The following ZC3H10 variants were observed in gnomAD, a reference collection of about 807,000 sequenced individuals.
The protein encoded by ZC3H10 is zinc finger CCCH domain-containing protein 10.
ZC3H10 carries 12 observed loss-of-function variants against 24.3 expected under a neutral mutation model. That is an observed-to-expected ratio of 0.49 (90% CI 0.32 to 0.80). ZC3H10 has a LOEUF of 0.80. Ranked by LOEUF, ZC3H10 falls within the 30% of genes least tolerant of loss-of-function variation. The pLI is 0.04. For missense variants in ZC3H10, 360 were observed against 576.3 expected, an observed-to-expected ratio of 0.62 and a Z score of 3.84; for synonymous variants, 226 against 217.0, an observed-to-expected ratio of 1.04 and a Z score of -0.36.
Position 56,126,200 on chromosome 12 carries a change from C to G in ZC3H10, c.*4333C>G, listed in dbSNP as rs1437547002. ...GAGTACCGTATCTCACCCTCTGCCT[C>G]TTGGAGGTGATTATGGTTTACATAT... is the stretch of plus-strand genomic sequence containing the variant. On this transcript the variant is annotated 3_prime_UTR_variant, in exon 3 of 3. Coordinates refer to ENST00000257940, the MANE Select transcript of ZC3H10 (RefSeq NM_032786.3). The G allele has an allele frequency of 2.0e-5, 3 of 152,194 alleles. No individual in the cohort carries two copies. The highest frequency in any genetic ancestry group is 4.4e-5 in the Non-Finnish European group (3 of 68,044). The allele number at this position is 152,194 out of a possible 1,614,324, so 9.4% of individuals were successfully genotyped here.
rs756653414 is a variant in ZC3H10, at chr12:56,124,279, C to A, written c.*2412C>A. 1 of 152,194 alleles carries A rather than the reference C, an allele frequency of 6.6e-6. No individual in the cohort carries two copies. The highest frequency in any genetic ancestry group is 1.5e-5 in the Non-Finnish European group (1 of 68,034). The allele number at this position is 152,194 out of a possible 1,614,324, so 9.4% of individuals were successfully genotyped here. A position where few individuals can be genotyped will look rare whatever the true frequency, so the allele number is the denominator to read the frequency against. ...AGTGATTTTGTTTTTTGTCTCACTT[C>A]ATCGCAGTCACTGAGTGACCTTGTC... On this transcript the variant is annotated 3_prime_UTR_variant, in exon 3 of 3. Transcript: ENST00000257940.
In ZC3H10 at chr12:56,123,976, G is replaced by C. The variant is rs1351026221; in HGVS notation, c.*2109G>C. On this transcript the variant is annotated 3_prime_UTR_variant, in exon 3 of 3. Coordinates refer to ENST00000257940, the MANE Select transcript of ZC3H10 (RefSeq NM_032786.3). Reference sequence around the variant, plus strand: ...GTGAGGGGGAGGGCTCACCATTGGGGATAACGTGGTGTGTCTCAGCATGAG... The same window carrying C: ...GTGAGGGGGAGGGCTCACCATTGGGCATAACGTGGTGTGTCTCAGCATGAG... 1 of 152,162 alleles carries C rather than the reference G, an allele frequency of 6.6e-6. No individual in the cohort carries two copies. The highest frequency in any genetic ancestry group is 1.5e-5 in the Non-Finnish European group (1 of 68,024). The allele number at this position is 152,162 out of a possible 1,614,324, so 9.4% of individuals were successfully genotyped here.
chr12:56,126,692 G>T lies in ZC3H10; in HGVS notation c.*4825G>T, dbSNP rs1870004688. The T allele has an allele frequency of 6.6e-6, 1 of 152,134 alleles. No individual in the cohort carries two copies. The highest frequency in any genetic ancestry group is 2.1e-4 in the South Asian group (1 of 4,834). The allele number at this position is 152,134 out of a possible 1,614,324, so 9.4% of individuals were successfully genotyped here. ...TTCTGCTTTATCAGTTGGTGAGCAG[G>T]TCACTCATAATTCCTCCAATTTCCT... On this transcript the variant is annotated 3_prime_UTR_variant, in exon 3 of 3. Coordinates refer to ENST00000257940, the MANE Select transcript of ZC3H10 (RefSeq NM_032786.3).
chr12:56,120,373 G>T, intron 2 of ZC3H10, 138 bp from the exon 3 acceptor site: 2 of 1,349,084 alleles, frequency 1.5e-6, no homozygotes, highest in South Asian at 4.3e-5. Context: ...TGATGAGTCA[G>T]ACATTTCAGC....
At chr12:56,118,959 T>C (rs1218037857) in intron 1 of ZC3H10, 129 bp from the exon 2 acceptor site, 1 of 152,694 alleles carries the variant, frequency 6.5e-6, no homozygotes, top group African/African-American at 2.4e-5. Context: ...TGAAGTTCAG[T>C]TTGAACCCTG....
Position 56,123,704 on chromosome 12 carries a change from G to C in ZC3H10, c.*1837G>C, listed in dbSNP as rs897434555. Reference sequence around the variant, plus strand: ...GCTGGGATTACAGGCATGAACCACCGTGCCCGGCAATTCTAGACTATTAAA... The same window carrying C: ...GCTGGGATTACAGGCATGAACCACCCTGCCCGGCAATTCTAGACTATTAAA... On this transcript the variant is annotated 3_prime_UTR_variant, in exon 3 of 3. Coordinates refer to ENST00000257940, the MANE Select transcript of ZC3H10 (RefSeq NM_032786.3). 6.6e-6 allele frequency: 1 copy of C among 152,092 alleles called. No individual in the cohort carries two copies. The highest frequency in any genetic ancestry group is 1.5e-5 in the Non-Finnish European group (1 of 68,018). The allele number at this position is 152,092 out of a possible 1,614,324, so 9.4% of individuals were successfully genotyped here. A position where few individuals can be genotyped will look rare whatever the true frequency, so the allele number is the denominator to read the frequency against.
chr12:56,121,070 G>C lies in ZC3H10; in HGVS notation c.508G>C (p.Gly170Arg), dbSNP rs775879253. The change falls in exon 3 of 3, where the codon GGA (glycine) becomes CGA (arginine). Residue 170 changes from glycine (G) to arginine (R), a missense_variant. Transcript: ENST00000257940. This position sits in a 1 kb window ranked among gnomAD's most constrained non-coding sequence, Gnocchi z 6.2. ...GGATTTTGAGTTTGATGCTCGGGGTGGAGGAGGCACTGGTGGGGGCTCAAC... is the reference window on the plus strand; with the variant it reads ...GGATTTTGAGTTTGATGCTCGGGGTCGAGGAGGCACTGGTGGGGGCTCAAC... Reference protein sequence around the residue: ...QRDFEFDARGGGGTGGGSTGS... With the variant: ...QRDFEFDARGRGGTGGGSTGS... The C allele has an allele frequency of 3.0e-5, 48 of 1,614,082 alleles. No individual in the cohort carries two copies. The highest frequency in any genetic ancestry group is 4.0e-5 in the Non-Finnish European group (47 of 1,180,036).
rs189787556 is a variant in ZC3H10, at chr12:56,123,127, A to C, written c.*1260A>C. On this transcript the variant is annotated 3_prime_UTR_variant, in exon 3 of 3. Coordinates refer to ENST00000257940, the MANE Select transcript of ZC3H10 (RefSeq NM_032786.3). ...GTAAGGCCAGGGGCCCCAATAGTCA[A>C]ACCTCAGTTCCTCCTCAGCTCACGG... 1 of 152,224 alleles carries C rather than the reference A, an allele frequency of 6.6e-6. No homozygotes were observed. The highest frequency in any genetic ancestry group is 1.5e-5 in the Non-Finnish European group (1 of 68,052). The allele number at this position is 152,224 out of a possible 1,614,324, so 9.4% of individuals were successfully genotyped here. A position where few individuals can be genotyped will look rare whatever the true frequency, so the allele number is the denominator to read the frequency against.
chr12:56,125,126 A>G lies in ZC3H10; in HGVS notation c.*3259A>G, dbSNP rs1296456183. The stretch of plus-strand genomic sequence containing the variant: ...TGTTGCTAGAAAAAAAAGGCTGGCA[A>G]GAGAAAGCTTCAAATAGAAGTCTTC... On this transcript the variant is annotated 3_prime_UTR_variant, in exon 3 of 3. Transcript: ENST00000257940. The G allele has an allele frequency of 6.6e-6, 1 of 152,208 alleles. No homozygotes were observed. The highest frequency in any genetic ancestry group is 2.4e-5 in the African/African-American group (1 of 41,450). The allele number at this position is 152,208 out of a possible 1,614,324, so 9.4% of individuals were successfully genotyped here.
intron 2 of ZC3H10, chr12:56,120,192 T>C (rs137949449): frequency 1.6e-4 from 166 of 1,033,000 alleles, no homozygotes; most frequent in Non-Finnish European, 1.9e-4. Context: ...AGATACTGAC[T>C]GCAGTTTTAA....
chr12:56,122,288 G>C lies in ZC3H10; in HGVS notation c.*421G>C, dbSNP rs1422809321. ...GATTGGGAAGTGGGTGGTCAGGAGA[G>C]AAGGCCTGATAGGAGCCTTCAGACA... On this transcript the variant is annotated 3_prime_UTR_variant, in exon 3 of 3. Transcript: ENST00000257940. The C allele has an allele frequency of 1.1e-5, 2 of 181,158 alleles. No individual in the cohort carries two copies. The highest frequency in any genetic ancestry group is 2.6e-5 in the Non-Finnish European group (2 of 77,316). The allele number at this position is 181,158 out of a possible 1,614,324, so 11.2% of individuals were successfully genotyped here.
chr12:56,120,359 C>A (rs1869771392), intron 2 of ZC3H10, 152 bp from the exon 3 acceptor site: 13 of 985,308 alleles, frequency 1.3e-5, no homozygotes, highest in African/African-American at 1.7e-5. Flanking sequence ...CTGGGAGGGG[C>A]TTTTGATGAG....
In ZC3H10 at chr12:56,126,807, A is replaced by G. The variant is rs138299397; in HGVS notation, c.*4940A>G. On this transcript the variant is annotated 3_prime_UTR_variant, in exon 3 of 3. Transcript: ENST00000257940. ...CTTAAATAGTTCTGCAAACTGAATG[A>G]AGCAGTCAAGATACTGCTAGCCCTA... 2 of 152,326 alleles carry G rather than the reference A, an allele frequency of 1.3e-5. No individual in the cohort carries two copies. Among genetic ancestry groups the G allele is most frequent in the Non-Finnish European group, 2.9e-5 (2 of 68,024 alleles). 9.4% of individuals were successfully genotyped at this position (152,326 alleles called of 1,614,324 possible). A position where few individuals can be genotyped will look rare whatever the true frequency, so the allele number is the denominator to read the frequency against.
chr12:56,118,832 T>G (rs1869720403), intron 1 of ZC3H10: 1 of 152,168 alleles, frequency 6.6e-6, no homozygotes, highest in South Asian at 2.1e-4. Flanking sequence ...TCCTCTTTCA[T>G]CTTGAGGCAG....
rs1459897489 is a variant in ZC3H10, at chr12:56,125,544, G to C, written c.*3677G>C. ...CGCACCCAGCCGGCTAGCATTTGTT[G>C]ACTGCTTAATATAAGCCAAGGCTCT... On this transcript the variant is annotated 3_prime_UTR_variant, in exon 3 of 3. Coordinates refer to ENST00000257940, the MANE Select transcript of ZC3H10 (RefSeq NM_032786.3). The C allele has an allele frequency of 1.3e-5, 2 of 152,082 alleles. No homozygotes were observed. The highest frequency in any genetic ancestry group is 2.9e-5 in the Non-Finnish European group (2 of 68,032). The allele number at this position is 152,082 out of a possible 1,614,324, so 9.4% of individuals were successfully genotyped here.
In ZC3H10 at chr12:56,120,539, A is replaced by C. The variant is rs1314105109; in HGVS notation, c.-24A>C. 6.6e-7 allele frequency: 1 copy of C among 1,512,676 alleles called. No homozygotes were observed. Among genetic ancestry groups the C allele is most frequent in the Admixed American group, 2.2e-5 (1 of 44,806 alleles). The allele number at this position is 1,512,676 out of a possible 1,614,324, so 93.7% of individuals were successfully genotyped here. A position where few individuals can be genotyped will look rare whatever the true frequency, so the allele number is the denominator to read the frequency against. On this transcript the variant is annotated 5_prime_UTR_variant, in exon 3 of 3. Transcript: ENST00000257940. ...TCACCAAGAGTGGCAAGATAAAGAA[A>C]ACCCTGAGTTGGGCGGGACCAGGAT...
rs557628099 is a variant in ZC3H10, at chr12:56,127,468, A to G, written c.*5601A>G. ...TCCTCTAAGATAGAGATGACTTACT[A>G]ACTCTTGGAAATTTCCAAAAAGAAA... On this transcript the variant is annotated 3_prime_UTR_variant, in exon 3 of 3. Coordinates refer to ENST00000257940, the MANE Select transcript of ZC3H10 (RefSeq NM_032786.3). 38 of 152,314 alleles carry G rather than the reference A, an allele frequency of 2.5e-4. No individual in the cohort carries two copies. Among genetic ancestry groups the G allele is most frequent in the African/African-American group, 8.4e-4 (35 of 41,570 alleles). The allele number at this position is 152,314 out of a possible 1,614,324, so 9.4% of individuals were successfully genotyped here.
rs190023620 is a variant in ZC3H10, at chr12:56,122,155, A to T, written c.*288A>T. ...ACTGACTGAGGGGCTGTGTCCTCTT[A>T]TGGGAATTTGGGAACATCCCTCGTC... On this transcript the variant is annotated 3_prime_UTR_variant, in exon 3 of 3. Coordinates refer to ENST00000257940, the MANE Select transcript of ZC3H10 (RefSeq NM_032786.3). The T allele has an allele frequency of 4.4e-5, 19 of 435,570 alleles. No homozygotes were observed. The East Asian group carries it at 7.2e-4, about 16-fold the overall frequency. The allele number at this position is 435,570 out of a possible 1,614,324, so 27.0% of individuals were successfully genotyped here.
Position 56,126,275 on chromosome 12 carries a change from C to T in ZC3H10, c.*4408C>T, listed in dbSNP as rs191123253. ...GTTTACTCTCTCTCCTCCTGTAGGC[C>T]TCATCCTGTAAGACACTTCCTCTAA... On this transcript the variant is annotated 3_prime_UTR_variant, in exon 3 of 3. Coordinates refer to ENST00000257940, the MANE Select transcript of ZC3H10 (RefSeq NM_032786.3). The T allele has an allele frequency of 2.0e-5, 3 of 152,316 alleles. No homozygotes were observed. The East Asian group carries it at 5.8e-4, about 29-fold the overall frequency. The allele number at this position is 152,316 out of a possible 1,614,324, so 9.4% of individuals were successfully genotyped here.
Sources: gnomAD v4.1 joint callset for allele counts on GRCh38, gnomAD v4.1.1 for gene constraint, Gnocchi (gnomAD v3.1) non-coding constraint, MANE v1.5 for transcripts, NCBI Gene and HGNC (gene_info 2026-07-23, HGNC 2026-07-21) for gene names.